HDAC9: variants seen among roughly 807,000 people sequenced by gnomAD.
HDAC9 encodes MEF-2 interacting transcription repressor (MITR) protein.
HDAC9 carries 41 observed loss-of-function variants against 139.4 expected under a neutral mutation model. That is an observed-to-expected ratio of 0.29 (90% CI 0.23 to 0.38). The LOEUF is 0.38. HDAC9 is among the 10% of genes least tolerant of loss of function. HDAC9 has a pLI of 1.00. For missense variants in HDAC9, 1,147 were observed against 1,297.0 expected (o/e 0.88, Z 1.78); for synonymous variants, 517 against 476.2 (o/e 1.09, Z -1.12).
chr7:18,681,406 TCA>T (rs1781880527), intron 12 of HDAC9, among the ~76,000 whole-genome samples: 1 of 152,026 alleles, frequency 6.6e-6, no homozygotes, highest in Admixed American at 6.6e-5. Flanking sequence ...GTCAATATGT[TCA>T]GTTTTTAAAA....
intron 1 of HDAC9, among the ~76,000 whole-genome samples, chr7:18,104,816 G>A (rs1783098911): frequency 1.3e-5 from 2 of 151,986 alleles, no homozygotes; most frequent in Admixed American, 6.6e-5. Context: ...GCAGCTTATA[G>A]ACATGTTTTG....
chr7:18,535,292 A>T (rs1810495196), intron 2 of HDAC9, among the ~76,000 whole-genome samples: 1 of 152,128 alleles, frequency 6.6e-6, no homozygotes, highest in Non-Finnish European at 1.5e-5. Context: ...TTCAGAAGTC[A>T]TACAATTTTT....
chr7:18,496,318 A>C lies in HDAC9; in HGVS notation c.16A>C (p.Ser6Arg), dbSNP rs748719509. Reference protein sequence around the residue: MHSMISSVDVKSEVPV... With the variant: MHSMIRSVDVKSEVPV... ...TCAGCAAAGAATGCACAGTATGATC[A>C]GCTCAGGTAAGATCCTCTTTCATAA... The change falls in exon 2 of 26, where the codon AGC (serine) becomes CGC (arginine). Residue 6 changes from serine to arginine, a missense_variant. Coordinates refer to ENST00000686413, the MANE Select transcript of HDAC9 (RefSeq NM_178425.4). 2 of 1,612,932 alleles carry C rather than the reference A, an allele frequency of 1.2e-6. No individual in the cohort carries two copies. Among genetic ancestry groups the C allele is most frequent in the African/African-American group, 2.7e-5 (2 of 74,954 alleles).
At chr7:18,305,576 G>A (rs1798851804) in intron 1 of HDAC9, among the ~76,000 whole-genome samples, 1 of 152,016 alleles carries the variant, frequency 6.6e-6, no homozygotes, top group South Asian at 2.1e-4. Context: ...AATAAAGCAT[G>A]ACTCCCCTTT....
In HDAC9 at chr7:18,438,645, CGTGTGTGTGTGT is replaced by C. The variant is rs5882662; in HGVS notation, c.-41-57598_-41-57587del. On this transcript the variant is annotated intron_variant, in intron 1 of 3. Coordinates refer to the HDAC9 transcript ENST00000413509. ...AAAAGACAGTGATATGCTGTGTGTG[CGTGTGTGTGTGT>C]GTGTGTGTGTGTGTGTGTAACATTA... is the stretch of plus-strand genomic sequence containing the variant. Among the ~76,000 whole-genome samples the C allele has an allele frequency of 1.1e-4, 17 of 148,054 alleles. No individual in the cohort carries two copies. The South Asian group carries it at 1.5e-3, about 13-fold the overall frequency.
intron 12 of HDAC9, among the ~76,000 whole-genome samples, chr7:18,679,074 T>C (rs1781712925): frequency 6.6e-6 from 1 of 151,892 alleles, no homozygotes; most frequent in Admixed American, 6.6e-5. Context: ...AGTAAAGATC[T>C]GAAAAAATAA....
At chr7:18,205,812 A>C (rs1791467230) in intron 2 of HDAC9, among the ~76,000 whole-genome samples, 1 of 152,154 alleles carries the variant, frequency 6.6e-6, no homozygotes, top group Non-Finnish European at 1.5e-5. Context: ...TATTTGTGAC[A>C]GTCTACAGGT....
At chr7:18,798,235 A>G (rs1303871550) in intron 17 of HDAC9, among the ~76,000 whole-genome samples, 3 of 152,202 alleles carry the variant, frequency 2.0e-5, no homozygotes, top group Non-Finnish European at 4.4e-5. Context: ...TCATTTTACC[A>G]CAATGACATC....
At chr7:18,203,638 A>G (rs891887735) in intron 2 of HDAC9, among the ~76,000 whole-genome samples, 43 of 152,328 alleles carry the variant, frequency 2.8e-4, no homozygotes, top group African/African-American at 1.0e-3. Flanking sequence ...TTTAGTTTGT[A>G]TAATAATTAA....
At chr7:18,503,164 T>C (rs761258068) in intron 2 of HDAC9, among the ~76,000 whole-genome samples, 134 of 152,336 alleles carry the variant, frequency 8.8e-4, no homozygotes, top group Non-Finnish European at 1.4e-3. Flanking sequence ...TTCAAAAATA[T>C]GTTGGCCTCT....
At chr7:18,310,088 A>T (rs555740568) in intron 1 of HDAC9, among the ~76,000 whole-genome samples, 12 of 149,764 alleles carry the variant, frequency 8.0e-5, no homozygotes, top group African/African-American at 2.9e-4. Context: ...CTTTAGCTTG[A>T]TAAGTGCCCA....
intron 12 of HDAC9, among the ~76,000 whole-genome samples, chr7:18,693,954 T>C (rs1192604706): frequency 6.6e-6 from 1 of 152,178 alleles, no homozygotes; most frequent in African/African-American, 2.4e-5. Context: ...AGTAAACTAG[T>C]AGCCAACTAA....
intron 1 of HDAC9, among the ~76,000 whole-genome samples, chr7:18,314,209 A>G (rs911512207): frequency 6.6e-6 from 1 of 152,168 alleles, no homozygotes; most frequent in Non-Finnish European, 1.5e-5. Context: ...TATGTGGGTG[A>G]GGAGGCCATT....
At chr7:18,419,798 T>C (rs1381841163) in intron 1 of HDAC9, among the ~76,000 whole-genome samples, 1 of 152,332 alleles carries the variant, frequency 6.6e-6, no homozygotes, top group African/African-American at 2.4e-5. Flanking sequence ...AAAAGCCTTC[T>C]GGTTTCTTTG....
intron 2 of HDAC9, among the ~76,000 whole-genome samples, chr7:18,537,796 G>A (rs1202543769): frequency 6.6e-6 from 1 of 152,212 alleles, no homozygotes; most frequent in Non-Finnish European, 1.5e-5. Flanking sequence ...TAATGTCTGA[G>A]TATCTACTTA....
intron 2 of HDAC9, among the ~76,000 whole-genome samples, chr7:18,165,924 T>C (rs1787978825): frequency 6.6e-6 from 1 of 152,172 alleles, no homozygotes; most frequent in Non-Finnish European, 1.5e-5. Context: ...GGGAGGTGGA[T>C]GGACCAAAGA....
intron 1 of HDAC9, among the ~76,000 whole-genome samples, chr7:18,390,397 T>C (rs1443063780): frequency 2.6e-5 from 4 of 152,100 alleles, no homozygotes; most frequent in Non-Finnish European, 5.9e-5. Context: ...ACAGCAACCA[T>C]TGGTTCCTAG....
At chr7:18,138,380 A>G (rs1785607564) in intron 1 of HDAC9, among the ~76,000 whole-genome samples, 1 of 152,060 alleles carries the variant, frequency 6.6e-6, no homozygotes, top group African/African-American at 2.4e-5. Flanking sequence ...AGACATCAGA[A>G]TGAGATCTAG....
At chr7:18,969,870 T>G (rs1389443523) in intron 24 of HDAC9, among the ~76,000 whole-genome samples, 1 of 152,172 alleles carries the variant, frequency 6.6e-6, no homozygotes, top group African/African-American at 2.4e-5. Flanking sequence ...ATAAAATGTT[T>G]GCCAAAGTGG....
Sources: allele counts gnomAD v4.1 joint callset (sites outside exome capture counted in the v4.1 genomes callset), GRCh38; gene constraint gnomAD v4.1.1; transcripts MANE v1.5; gene names NCBI Gene and HGNC (gene_info 2026-07-23, HGNC 2026-07-21).